Variants in ECM2 observed in about 807,000 individuals in gnomAD.
The protein encoded by ECM2 is extracellular matrix protein 2, also known as extracellular matrix protein 2, female organ and adipocyte specific.
Under a neutral mutation model 67.5 loss-of-function variants are expected in ECM2, and 57 were observed. The ratio of observed to expected loss-of-function variants is 0.84; its 90% CI spans 0.68 to 1.05. The LOEUF (loss-of-function observed/expected upper bound fraction) is 1.05, where lower values mean the gene tolerates loss of function less well. ECM2 is among the 50% of genes least tolerant of loss of function. The probability of loss-of-function intolerance (pLI) is 0.00; values close to 1 mark genes in which losing one functional copy is unlikely to be tolerated. For missense variants in ECM2, 741 were observed against 822.8 expected, an observed-to-expected ratio of 0.90 and a Z score of 1.22; for synonymous variants, 258 against 294.5, an observed-to-expected ratio of 0.88 and a Z score of 1.27.
chr9:92,514,548 T>G, intron 4 of ECM2, 83 bp downstream of exon 4: 1 of 1,502,102 alleles, frequency 6.7e-7, no homozygotes, highest in Non-Finnish European at 8.9e-7. Context: ...GTGCTGAGAT[T>G]ATAGGCGTGA....
the ECM2 span, among the ~76,000 whole-genome samples, chr9:92,546,836 C>T: frequency 3.3e-5 from 5 of 152,074 alleles, no homozygotes; most frequent in Admixed American, 6.6e-5. Flanking sequence ...ATCAGAAAAT[C>T]TAAATTGTCT....
chr9:92,547,329 T>G, the ECM2 span, among the ~76,000 whole-genome samples: 2 of 152,242 alleles, frequency 1.3e-5, no homozygotes, highest in Non-Finnish European at 2.9e-5. Flanking sequence ...AAAACACATA[T>G]GTCCACATGA....
the ECM2 span, among the ~76,000 whole-genome samples, chr9:92,551,977 GTGTGTGTATATA>G: frequency 1.6e-5 from 1 of 61,620 alleles, no homozygotes; most frequent in African/African-American, 1.6e-4. Context: ...TGATATATAT[GTGTGTGTATATA>G]TGTGATATAT....
At chr9:92,493,906 C>T, downstream of ECM2, 3 of 451,688 alleles carry the variant, frequency 6.6e-6, 1 homozygote, top group Non-Finnish European at 1.2e-5. Context: ...AGCAAGCCCA[C>T]AGTGCGTCTG....
chr9:92,525,773 C>T (rs767483008), intron 1 of ECM2, among the ~76,000 whole-genome samples: 1 of 151,664 alleles, frequency 6.6e-6, no homozygotes, highest in Non-Finnish European at 1.5e-5. Context: ...GCCTGTAATC[C>T]CAGCAACTCG....
At chr9:92,505,722 A>G (rs1484706075) in intron 6 of ECM2, 32 bp from the exon 7 acceptor site, 1 of 1,504,258 alleles carries the variant, frequency 6.6e-7, no homozygotes, top group Non-Finnish European at 8.9e-7. Flanking sequence ...GAATATTAGG[A>G]TAATTGAAAA....
chr9:92,497,874 TAA>T (rs71362393), intron 9 of ECM2, among the ~76,000 whole-genome samples: 54,910 of 134,712 alleles, frequency 0.41, 12,506 homozygotes, highest in African/African-American at 0.63. Flanking sequence ...GCTGGTTGTT[TAA>T]AAAAAAAAAA....
chr9:92,500,426 G>A (rs1294018333), intron 9 of ECM2, among the ~76,000 whole-genome samples: 3 of 152,186 alleles, frequency 2.0e-5, no homozygotes, highest in Non-Finnish European at 2.9e-5. Flanking sequence ...CAGGTGATCC[G>A]CCCGCCTTGG....
chr9:92,527,250 A>T (rs747628), intron 1 of ECM2, among the ~76,000 whole-genome samples: 57,607 of 151,988 alleles, frequency 0.38, 13,625 homozygotes, highest in African/African-American at 0.67. Flanking sequence ...AGCTCAAGTG[A>T]TTCACCCACC....
At chr9:92,522,976 CAGT>C (rs1848171116) in intron 1 of ECM2, 83 bp from the exon 2 acceptor site, 1 of 1,300,092 alleles carries the variant, frequency 7.7e-7, no homozygotes, top group Non-Finnish European at 1.0e-6. Context: ...TTGTATGCCT[CAGT>C]AGGCAAGTCT....
At chr9:92,499,161 A>G (rs866527698) in intron 9 of ECM2, among the ~76,000 whole-genome samples, 1 of 152,222 alleles carries the variant, frequency 6.6e-6, no homozygotes, top group African/African-American at 2.4e-5. Context: ...CATTGTCCAG[A>G]TGACTGCAAT....
In ECM2 at chr9:92,505,528, GT is replaced by G; in HGVS notation, c.1464+4del. 1 of 1,584,932 alleles carries G rather than the reference GT, an allele frequency of 6.3e-7. No homozygotes were observed. The highest frequency in any genetic ancestry group is 8.5e-7 in the Non-Finnish European group (1 of 1,170,866). ...ATTTAAAACACTAAAAAAATATATT[GT>G]TACCTCAATAGAACCAGGAAGACCC... On this transcript the variant is annotated splice_donor_region_variant and intron_variant, in intron 7 of 9. Coordinates refer to ENST00000344604, the MANE Select transcript of ECM2 (RefSeq NM_001393.4).
chr9:92,502,374 A>G, intron 8 of ECM2, 139 bp downstream of exon 8: 2 of 1,057,548 alleles, frequency 1.9e-6, no homozygotes, highest in Non-Finnish European at 2.7e-6. Context: ...GTAAGGGTTC[A>G]CTAAGAAACG....
upstream of ECM2, among the ~76,000 whole-genome samples, chr9:92,538,267 T>C (rs909009752): frequency 2.6e-5 from 4 of 152,200 alleles, no homozygotes; most frequent in African/African-American, 9.6e-5. Context: ...CCACCATGCA[T>C]AGTTGTCCAT....
the ECM2 span, among the ~76,000 whole-genome samples, chr9:92,552,220 A>C: frequency 2.2e-5 from 3 of 136,414 alleles, no homozygotes; most frequent in African/African-American, 8.6e-5. Flanking sequence ...CACACACCCC[A>C]CAGTTTCTTT....
chr9:92,526,975 C>T (rs1848453574), intron 1 of ECM2, among the ~76,000 whole-genome samples: 1 of 152,028 alleles, frequency 6.6e-6, no homozygotes, highest in South Asian at 2.1e-4. Flanking sequence ...ATATTCTTAC[C>T]ATACCTTTCC....
the ECM2 span, among the ~76,000 whole-genome samples, chr9:92,545,574 CT>C: frequency 6.6e-6 from 1 of 152,224 alleles, no homozygotes; most frequent in Non-Finnish European, 1.5e-5. Context: ...CCGACGAGCT[CT>C]GCCCCCTGCT....
intron 7 of ECM2, among the ~76,000 whole-genome samples, chr9:92,503,152 G>T (rs1247367220): frequency 6.6e-6 from 1 of 152,074 alleles, no homozygotes; most frequent in Admixed American, 6.6e-5. Context: ...GGAATCAAAT[G>T]AATTTTATTT....
Position 92,531,900 on chromosome 9 carries a change from G to A in ECM2, c.-28+4033C>T, listed in dbSNP as rs566324228. Among the ~76,000 whole-genome samples the A allele has an allele frequency of 5.3e-5, 8 of 151,692 alleles. No individual in the cohort carries two copies. The South Asian group carries it at 1.7e-3, about 32-fold the overall frequency. ...TGGGGTTGACAAGTGTTTTCTTTCA[G>A]CATTGTGAAGATACGGTTGATTTTT... On this transcript the variant is annotated intron_variant, in intron 1 of 9. Transcript: ENST00000344604.
Sources: allele counts gnomAD v4.1 joint callset (sites outside exome capture counted in the v4.1 genomes callset), GRCh38; gene constraint gnomAD v4.1.1; transcripts MANE v1.5; gene names NCBI Gene and HGNC (gene_info 2026-07-23, HGNC 2026-07-21).